ANO2: variants seen among roughly 807,000 people sequenced by gnomAD.
The protein encoded by ANO2 is anoctamin 2.
In ANO2, 101 loss-of-function variants were observed where a neutral mutation model predicts 124.2. The observed-to-expected ratio is 0.81, with a 90% confidence interval of 0.69 to 0.96. The LOEUF (loss-of-function observed/expected upper bound fraction) is 0.96, where lower values mean the gene tolerates loss of function less well. Among genes scored for constraint, ANO2 ranks in the 40% least tolerant of loss-of-function variants. ANO2 has a pLI of 0.00. For synonymous variants in ANO2, 486 were observed against 482.5 expected (o/e 1.01, Z -0.09); for missense variants, 1,293 against 1,274.5 (o/e 1.01, Z -0.22).
intron 7 of ANO2, among the ~76,000 whole-genome samples, chr12:5,808,127 A>G (rs868508891): frequency 1.3e-5 from 2 of 152,190 alleles, no homozygotes; most frequent in East Asian, 1.9e-4. Flanking sequence ...TAGTCATGCA[A>G]ACACCCTTTG....
At chr12:5,623,566 C>T (rs1344361349) in intron 16 of ANO2, among the ~76,000 whole-genome samples, 2 of 152,134 alleles carry the variant, frequency 1.3e-5, no homozygotes, top group Admixed American at 1.3e-4. Context: ...AGTATGAAAG[C>T]CCAGCTTCAT....
chr12:5,856,530 T>A (rs1955102603), intron 3 of ANO2: 1 of 145,664 alleles, frequency 6.9e-6, no homozygotes, highest in South Asian at 2.1e-4. Flanking sequence ...TAAACAGTAT[T>A]TCTGGCCAAT....
chr12:5,941,680 GA>G (rs1942900950), intron 1 of ANO2, among the ~76,000 whole-genome samples: 1 of 135,842 alleles, frequency 7.4e-6, no homozygotes, highest in Non-Finnish European at 1.6e-5. Flanking sequence ...AAAAAAAAAA[GA>G]AAACCACACC....
intron 19 of ANO2, among the ~76,000 whole-genome samples, chr12:5,606,179 T>A (rs1024509699): frequency 6.6e-6 from 1 of 152,184 alleles, no homozygotes; most frequent in African/African-American, 2.4e-5. Flanking sequence ...AGAGTGGGGC[T>A]TCCACAGTGG....
At chr12:5,657,798 C>T (rs1035389664) in intron 14 of ANO2, among the ~76,000 whole-genome samples, 3 of 144,950 alleles carry the variant, frequency 2.1e-5, no homozygotes, top group Non-Finnish European at 4.5e-5. Context: ...GCAGCCAATG[C>T]TATAAATTTA....
chr12:5,833,394 G>A (rs960091210), intron 4 of ANO2, among the ~76,000 whole-genome samples: 22 of 152,198 alleles, frequency 1.4e-4, no homozygotes, highest in African/African-American at 5.3e-4. Context: ...GTGATAAATT[G>A]ATGATGGCCA....
At chr12:5,939,216 A>C (rs796606047) in intron 1 of ANO2, among the ~76,000 whole-genome samples, 9 of 140,586 alleles carry the variant, frequency 6.4e-5, no homozygotes, top group Non-Finnish European at 8.0e-5. Flanking sequence ...ACTCCAACAA[A>C]AAAAAAAAAA....
In ANO2 at chr12:5,736,483, G is replaced by A. The variant is rs186413701; in HGVS notation, c.1434+2834C>T. On this transcript the variant is annotated intron_variant, in intron 13 of 24. Coordinates refer to ENST00000682330, the MANE Select transcript of ANO2 (RefSeq NM_001364791.2). ...TAGACTCGCAAGCATTCCTGATACT[G>A]GGAGGTGTCTGGTTAAAATAGAAAA... 1.3e-4 allele frequency among the ~76,000 whole-genome samples: 20 copies of A among 152,310 alleles called. No individual in the cohort carries two copies. The East Asian group carries it at 3.7e-3, about 28-fold the overall frequency.
At chr12:5,852,848 CGTGTGTGTGT>C (rs71445682) in intron 4 of ANO2, among the ~76,000 whole-genome samples, 1,663 of 123,954 alleles carry the variant, frequency 0.013, 37 homozygotes, top group African/African-American at 0.044. Context: ...TGGAAAGGGA[CGTGTGTGTGT>C]GTGTGTGTGT....
rs142795621 is a variant in ANO2 at position 5,567,627 on chromosome 12, C to T, written c.2622-1964G>A. On this transcript the variant is annotated intron_variant, in intron 23 of 24. Transcript: ENST00000682330. The stretch of plus-strand genomic sequence containing the variant: ...CTCTGCAGGAACAGCTGCTCACTGA[C>T]CTCAGTATGCGAGCCACTGCTCACC... 1.2e-3 allele frequency among the ~76,000 whole-genome samples: 176 copies of T among 152,352 alleles called. 1 individual carries two copies. Among genetic ancestry groups the T allele is most frequent in the Middle Eastern group, 6.8e-3 (2 of 294 alleles).
In ANO2 at chr12:5,727,298, G is replaced by A. The variant is rs945506070; in HGVS notation, c.1545+5222C>T. Among the ~76,000 whole-genome samples, 5 of 152,084 alleles carry A rather than the reference G, an allele frequency of 3.3e-5. No homozygotes were observed. The East Asian group carries it at 7.7e-4, about 24-fold the overall frequency. ...CTCTCTCCTGCTTTCAGTATGTGAC[G>A]TGCCTGCTCCCCCTTCGCCTTCCAC... On this transcript the variant is annotated intron_variant, in intron 14 of 24. Transcript: ENST00000682330.
chr12:5,938,581 G>T (rs901748414), intron 1 of ANO2, among the ~76,000 whole-genome samples: 1 of 152,170 alleles, frequency 6.6e-6, no homozygotes, highest in Non-Finnish European at 1.5e-5. Context: ...AGCACTTTGG[G>T]AGATCGAAGC....
rs1479863890 is a variant in ANO2 at position 5,692,852 on chromosome 12, A to C, written c.1545+39668T>G. ...CAAAGGAAAAGAGAGACTGAGAACA[A>C]AGAAGATTGAAAAGTATTGTTTCCG... On this transcript the variant is annotated intron_variant, in intron 14 of 24. Coordinates refer to ENST00000682330, the MANE Select transcript of ANO2 (RefSeq NM_001364791.2). Among the ~76,000 whole-genome samples, 6 of 152,220 alleles carry C rather than the reference A, an allele frequency of 3.9e-5. No individual in the cohort carries two copies. In the South Asian group the frequency reaches 8.3e-4, roughly 21 times the overall value.
At chr12:5,832,388 A>C (rs2137218889) in intron 5 of ANO2, 64 bp downstream of exon 5, 1 of 1,593,062 alleles carries the variant, frequency 6.3e-7, no homozygotes, top group Middle Eastern at 1.7e-4. Context: ...TGAGTCATAG[A>C]ACAGTATTCA....
At chr12:5,778,568 C>A (rs1176851866) in intron 10 of ANO2, among the ~76,000 whole-genome samples, 1 of 152,084 alleles carries the variant, frequency 6.6e-6, no homozygotes, top group Non-Finnish European at 1.5e-5. Context: ...AATGCAATTC[C>A]AATAGATGGC....
At chr12:5,788,564 T>G (rs1952605326) in intron 10 of ANO2, among the ~76,000 whole-genome samples, 1 of 150,342 alleles carries the variant, frequency 6.7e-6, no homozygotes. Context: ...TCTTTTGTTT[T>G]TGTTTTTGTT....
chr12:5,686,761 T>C (rs1037982573), intron 14 of ANO2, among the ~76,000 whole-genome samples: 1 of 152,320 alleles, frequency 6.6e-6, no homozygotes, highest in East Asian at 1.9e-4. Context: ...ACAGCAGTGG[T>C]GGGAGCCGTG....
At chr12:5,643,157 G>A (rs950243886) in intron 15 of ANO2, among the ~76,000 whole-genome samples, 18 of 151,816 alleles carry the variant, frequency 1.2e-4, no homozygotes, top group African/African-American at 3.1e-4. Context: ...CTTCTCCCCC[G>A]TACACATACA....
At chr12:5,659,662 C>T (rs1223593591) in intron 14 of ANO2, among the ~76,000 whole-genome samples, 2 of 152,226 alleles carry the variant, frequency 1.3e-5, no homozygotes, top group African/African-American at 2.4e-5. Flanking sequence ...TCCTAGCAGA[C>T]ACAGAAAACA....
Sources: gnomAD v4.1 joint callset for allele counts (sites outside exome capture counted in the v4.1 genomes callset) on GRCh38, gnomAD v4.1.1 for gene constraint, MANE v1.5 for transcripts, NCBI Gene and HGNC (gene_info 2026-07-23, HGNC 2026-07-21) for gene names.